LRBA: variants seen among roughly 807,000 people sequenced by gnomAD.
LRBA encodes LPS responsive beige-like anchor protein, also known as lipopolysaccharide-responsive and beige-like anchor protein.
A neutral mutation model predicts 330.0 loss-of-function variants in LRBA; 176 were observed. That is an observed-to-expected ratio of 0.53 (90% CI 0.47 to 0.60). The LOEUF (loss-of-function observed/expected upper bound fraction) is 0.60. LRBA is among the 20% of genes least tolerant of loss of function. The pLI is 0.00. For missense variants in LRBA, 3,259 were observed against 3,444.8 expected (o/e 0.95, Z 1.35); for synonymous variants, 1,230 against 1,193.0 (o/e 1.03, Z -0.64).
intron 30 of LRBA, among the ~76,000 whole-genome samples, chr4:150,820,720 T>C (rs1745311916): frequency 6.6e-6 from 1 of 152,008 alleles, no homozygotes; most frequent in Non-Finnish European, 1.5e-5. Flanking sequence ...AAGCAGTAGG[T>C]AGATTTTGAA....
chr4:150,955,450 C>T (rs1328727913), intron 2 of LRBA, among the ~76,000 whole-genome samples: 1 of 148,662 alleles, frequency 6.7e-6, no homozygotes, highest in Non-Finnish European at 1.5e-5. Context: ...AACCTTTGAA[C>T]ATGCATAAAA....
intron 34 of LRBA, among the ~76,000 whole-genome samples, chr4:150,790,024 CATTTT>C (rs1257929982): frequency 6.6e-6 from 1 of 152,190 alleles, no homozygotes; most frequent in Non-Finnish European, 1.5e-5. Flanking sequence ...AATTAAAACA[CATTTT>C]ATTTTCAGAT....
chr4:150,976,117 G>A (rs1740135576), intron 2 of LRBA, among the ~76,000 whole-genome samples: 1 of 146,854 alleles, frequency 6.8e-6, no homozygotes, highest in East Asian at 2.1e-4. Context: ...AGAGGTTGCA[G>A]TGAGCCAAGA....
chr4:150,454,298 T>C (rs558772081), intron 44 of LRBA, among the ~76,000 whole-genome samples: 33 of 152,244 alleles, frequency 2.2e-4, no homozygotes, highest in Non-Finnish European at 4.7e-4. Flanking sequence ...GTAAGCTACA[T>C]GGTCAATTTG....
chr4:150,584,133 C>T (rs2126405302), intron 40 of LRBA: 3 of 1,503,518 alleles, frequency 2.0e-6, no homozygotes, highest in Non-Finnish European at 2.7e-6. Context: ...GCTTGAAAAG[C>T]GACACAAACG....
At chr4:150,579,187 C>G (rs1770898395) in intron 40 of LRBA, 1 of 456,362 alleles carries the variant, frequency 2.2e-6, no homozygotes, top group Non-Finnish European at 4.4e-6. Context: ...AATACACCAT[C>G]AAGGAGCTGC....
chr4:150,648,237 G>C (rs1442939102), intron 37 of LRBA, among the ~76,000 whole-genome samples: 1 of 139,938 alleles, frequency 7.1e-6, no homozygotes, highest in Non-Finnish European at 1.5e-5. Context: ...CAAGGAAGTG[G>C]TCTACACAAA....
chr4:150,802,656 G>A (rs1181133447), intron 33 of LRBA, among the ~76,000 whole-genome samples: 1 of 152,058 alleles, frequency 6.6e-6, no homozygotes, highest in Non-Finnish European at 1.5e-5. Context: ...GGCTACAGGT[G>A]ATTCCAGGCA....
At chr4:150,694,856 T>C (rs983092915) in intron 36 of LRBA, among the ~76,000 whole-genome samples, 1 of 152,202 alleles carries the variant, frequency 6.6e-6, no homozygotes, top group African/African-American at 2.4e-5. Context: ...AAGATTAATA[T>C]AGGTTATTCT....
intron 47 of LRBA, among the ~76,000 whole-genome samples, chr4:150,414,878 G>C (rs1747511707): frequency 6.6e-6 from 1 of 152,152 alleles, no homozygotes; most frequent in Admixed American, 6.6e-5. Context: ...AGTCATATTA[G>C]TGTCTCGAAA....
intron 46 of LRBA, among the ~76,000 whole-genome samples, chr4:150,429,247 T>C (rs565447930): frequency 1.3e-5 from 2 of 152,070 alleles, no homozygotes; most frequent in South Asian, 2.1e-4. Context: ...AGCAAAAACC[T>C]GAAAGGCATG....
chr4:150,946,598 A>G (rs2149535437), intron 2 of LRBA, among the ~76,000 whole-genome samples: 1 of 151,626 alleles, frequency 6.6e-6, no homozygotes, highest in South Asian at 2.1e-4. Flanking sequence ...TAATATATCA[A>G]AATTTGTGGG....
At position 150,270,529 on chromosome 4, in the gene LRBA, GGAGA is replaced by G. The variant is rs1005159975; in HGVS notation, c.8469-4721_8469-4718del. 1.1e-4 allele frequency among the ~76,000 whole-genome samples: 17 copies of G among 152,262 alleles called. No homozygotes were observed. In the East Asian group the frequency reaches 2.7e-3, roughly 24 times the overall value. ...AAAGTAGCATGCACATGAGCTGGTG[GGAGA>G]GAGAGTCATTAACATGCAGAGCTTC... On this transcript the variant is annotated intron_variant, in intron 56 of 56. Coordinates refer to ENST00000651943, the MANE Select transcript of LRBA (RefSeq NM_001364905.1).
chr4:150,853,215 G>C (rs1391201151), intron 22 of LRBA, among the ~76,000 whole-genome samples: 1 of 152,082 alleles, frequency 6.6e-6, no homozygotes, highest in African/African-American at 2.4e-5. Flanking sequence ...AACATGTATA[G>C]GAAAAGGATA....
At chr4:150,791,951 C>G (rs1739988895) in intron 34 of LRBA, among the ~76,000 whole-genome samples, 1 of 149,500 alleles carries the variant, frequency 6.7e-6, no homozygotes, top group South Asian at 2.1e-4. Flanking sequence ...ATGGCATGAA[C>G]CCGGGAGATG....
At chr4:151,003,107 C>A (rs924602766) in intron 2 of LRBA, among the ~76,000 whole-genome samples, 1 of 148,484 alleles carries the variant, frequency 6.7e-6, no homozygotes. Context: ...TAGAAAAAAA[C>A]AATCCTGGTC....
Position 150,315,616 on chromosome 4 carries a change from T to C in LRBA, c.7638A>G (p.Gln2546=). ...VNKWHNLPAH[Q]GAVQDQPYQL... is the part of the protein sequence containing the mutation. ...GGTATGGCTGGTCTTGTACAGCACC[T>C]TGATGAGCTGGAATTCACAAAAGAT... Residue 2546 remains glutamine (Q), a synonymous_variant, in exon 51 of 57, where the codon CAA becomes CAG. Transcript: ENST00000651943. 7 of 1,581,398 alleles carry C rather than the reference T, an allele frequency of 4.4e-6. No homozygotes were observed. Among genetic ancestry groups the C allele is most frequent in the Non-Finnish European group, 6.0e-6 (7 of 1,169,462 alleles).
chr4:150,290,658 C>G (rs1728164887), intron 53 of LRBA, among the ~76,000 whole-genome samples: 2 of 152,104 alleles, frequency 1.3e-5, no homozygotes, highest in Non-Finnish European at 2.9e-5. Context: ...GTGTCTTTGT[C>G]CAGAGAGCAC....
At chr4:150,436,137 A>G (rs563520962) in intron 45 of LRBA, among the ~76,000 whole-genome samples, 6 of 152,198 alleles carry the variant, frequency 3.9e-5, no homozygotes, top group Non-Finnish European at 5.9e-5. Flanking sequence ...ACTTAAACAC[A>G]TATTAGTGGA....
Sources: allele counts gnomAD v4.1 joint callset (sites outside exome capture counted in the v4.1 genomes callset), GRCh38; gene constraint gnomAD v4.1.1; transcripts MANE v1.5; gene names NCBI Gene and HGNC (gene_info 2026-07-23, HGNC 2026-07-21).